SNTG1: variants seen among roughly 807,000 people sequenced by gnomAD.
SNTG1 encodes gamma-1-syntrophin.
In SNTG1, 39 loss-of-function variants were observed where a neutral mutation model predicts 74.7. The observed-to-expected ratio is 0.52, with a 90% CI of 0.40 to 0.68. The LOEUF (loss-of-function observed/expected upper bound fraction) is 0.68. SNTG1 is among the 30% of genes least tolerant of loss of function. The probability of loss-of-function intolerance (pLI) is 0.00; values close to 1 mark genes in which losing one functional copy is unlikely to be tolerated. For synonymous variants in SNTG1, 254 were observed against 217.1 expected (o/e 1.17, Z -1.49); for missense variants, 685 against 609.5 (o/e 1.12, Z -1.30).
intron 1 of SNTG1, among the ~76,000 whole-genome samples, chr8:50,107,597 C>T (rs1240761014): frequency 6.6e-6 from 1 of 151,722 alleles, no homozygotes; most frequent in East Asian, 1.9e-4. Context: ...GTTGGCTGGG[C>T]TGGAGTGGAG....
intron 1 of SNTG1, among the ~76,000 whole-genome samples, chr8:50,030,826 A>T (rs1202869693): frequency 6.6e-6 from 1 of 151,936 alleles, no homozygotes; most frequent in African/African-American, 2.4e-5. Flanking sequence ...TTCTTAAATC[A>T]TTGCCTGTCC....
chr8:50,277,410 AC>A (rs1257665551), intron 2 of SNTG1, among the ~76,000 whole-genome samples: 10 of 152,310 alleles, frequency 6.6e-5, no homozygotes, highest in Admixed American at 2.0e-4. Flanking sequence ...GATTACAGAA[AC>A]TTTTTCAGAC....
At chr8:50,741,146 G>A (rs1359534751) in intron 17 of SNTG1, among the ~76,000 whole-genome samples, 1 of 151,700 alleles carries the variant, frequency 6.6e-6, no homozygotes, top group Non-Finnish European at 1.5e-5. Context: ...TTTTTCTGAG[G>A]CAGAGTCTTG....
At chr8:50,654,196 G>A (rs2095166534) in intron 13 of SNTG1, among the ~76,000 whole-genome samples, 1 of 151,972 alleles carries the variant, frequency 6.6e-6, no homozygotes, top group Admixed American at 6.6e-5. Context: ...AGCTGTGCTT[G>A]GGTTGGGACT....
At chr8:50,197,421 T>A (rs992957654) in intron 2 of SNTG1, among the ~76,000 whole-genome samples, 5 of 152,276 alleles carry the variant, frequency 3.3e-5, no homozygotes, top group African/African-American at 1.2e-4. Flanking sequence ...AGCATTTTTT[T>A]AAAAACTTGT....
chr8:49,917,030 T>C (rs1309474987), intron 1 of SNTG1, among the ~76,000 whole-genome samples: 1 of 78,914 alleles, frequency 1.3e-5, no homozygotes, highest in Non-Finnish European at 3.7e-5. Context: ...AAAATATATA[T>C]ATTAAAAATA....
At chr8:50,649,356 G>T (rs529426184) in intron 13 of SNTG1, among the ~76,000 whole-genome samples, 1 of 152,058 alleles carries the variant, frequency 6.6e-6, no homozygotes, top group African/African-American at 2.4e-5. Flanking sequence ...AAAATTAGCC[G>T]GACGTTATGG....
At chr8:50,096,905 C>T (rs420489) in intron 1 of SNTG1, among the ~76,000 whole-genome samples, 2 of 151,874 alleles carry the variant, frequency 1.3e-5, no homozygotes, top group Non-Finnish European at 2.9e-5. Flanking sequence ...TAGTGTTACT[C>T]AAAAAGTAGC....
rs145645877 is a variant in SNTG1, at chr8:50,333,178, T to C, written c.-27-61034T>C. 5.9e-5 allele frequency among the ~76,000 whole-genome samples: 9 copies of C among 152,348 alleles called. No homozygotes were observed. In the East Asian group the frequency reaches 1.7e-3, roughly 29 times the overall value. The stretch of plus-strand genomic sequence containing the variant: ...CCCTGGCCCCATCACAGAACAGCTG[T>C]GTGACTTCGATACAATAACTTAACC... On this transcript the variant is annotated intron_variant, in intron 2 of 18. Transcript: ENST00000642720.
At position 50,039,474 on chromosome 8, in the gene SNTG1, A is replaced by C. The variant is rs925585238; in HGVS notation, c.-103+127243A>C. 7.3e-5 allele frequency among the ~76,000 whole-genome samples: 11 copies of C among 151,074 alleles called. No homozygotes were observed. The East Asian group carries it at 1.2e-3, about 16-fold the overall frequency. ...CGTCTCAAAAAAAAAAAAAAAAAAA[A>C]AAAAAAAAACTCAAGTTAATTCCTA... is the stretch of plus-strand genomic sequence containing the variant. On this transcript the variant is annotated intron_variant, in intron 1 of 18. Coordinates refer to ENST00000642720, the MANE Select transcript of SNTG1 (RefSeq NM_018967.5).
chr8:50,737,239 C>T lies in SNTG1; in HGVS notation c.1285-14762C>T, dbSNP rs531717520. Among the ~76,000 whole-genome samples the T allele has an allele frequency of 2.0e-5, 3 of 152,130 alleles. No individual in the cohort carries two copies. The East Asian group carries it at 5.8e-4, about 29-fold the overall frequency. Reference sequence around the variant, plus strand: ...CAATAAAGGGCATATTACCACTGATCCCACAGAAATACAAACTACCACCAG... The same window carrying T: ...CAATAAAGGGCATATTACCACTGATTCCACAGAAATACAAACTACCACCAG... On this transcript the variant is annotated intron_variant, in intron 17 of 18. Coordinates refer to ENST00000642720, the MANE Select transcript of SNTG1 (RefSeq NM_018967.5).
intron 17 of SNTG1, among the ~76,000 whole-genome samples, chr8:50,740,241 C>T (rs956479332): frequency 3.3e-5 from 5 of 151,498 alleles, no homozygotes; most frequent in Admixed American, 6.6e-5. Context: ...GGTCTAATAT[C>T]CAGCATCTAC....
intron 2 of SNTG1, among the ~76,000 whole-genome samples, chr8:50,267,795 A>G (rs965666322): frequency 6.6e-6 from 1 of 152,200 alleles, no homozygotes; most frequent in Non-Finnish European, 1.5e-5. Context: ...AGAATTAATG[A>G]GAACTAACTC....
intron 1 of SNTG1, among the ~76,000 whole-genome samples, chr8:49,930,477 A>G (rs1163127776): frequency 1.1e-5 from 1 of 90,908 alleles, no homozygotes; most frequent in Non-Finnish European, 2.8e-5. Context: ...GGACTTTCTT[A>G]ATCTGATGAA....
At chr8:49,920,132 T>C (rs1257753039) in intron 1 of SNTG1, among the ~76,000 whole-genome samples, 1 of 151,772 alleles carries the variant, frequency 6.6e-6, no homozygotes, top group African/African-American at 2.4e-5. Context: ...TTTTCCATAT[T>C]GTGTTCTTTT....
rs565138208 is a variant in SNTG1, at chr8:50,457,665, C to T, written c.363+6936C>T. Among the ~76,000 whole-genome samples, 294 of 152,216 alleles carry T rather than the reference C, an allele frequency of 1.9e-3. 1 individual carries two copies. Among genetic ancestry groups the T allele is most frequent in the South Asian group, 8.3e-3 (40 of 4,820 alleles). On this transcript the variant is annotated intron_variant, in intron 8 of 18. Transcript: ENST00000642720. ...AAGAATAGAGAGCAGATAGACAAGACGGGGGGAATCCTGAAGGGCCAAGGG... is the reference window on the plus strand; with the variant it reads ...AAGAATAGAGAGCAGATAGACAAGATGGGGGGAATCCTGAAGGGCCAAGGG...
intron 8 of SNTG1, among the ~76,000 whole-genome samples, chr8:50,482,461 T>C (rs1218821539): frequency 1.3e-5 from 2 of 152,182 alleles, no homozygotes; most frequent in African/African-American, 4.8e-5. Flanking sequence ...TAACACTGTC[T>C]CATTTGAAAG....
chr8:50,507,140 T>G (rs1273268003), intron 9 of SNTG1, among the ~76,000 whole-genome samples: 6 of 152,096 alleles, frequency 3.9e-5, no homozygotes, highest in African/African-American at 1.4e-4. Flanking sequence ...AGATAGATTT[T>G]TTTTCATGTT....
intron 1 of SNTG1, among the ~76,000 whole-genome samples, chr8:50,102,309 G>A (rs1401150976): frequency 6.6e-6 from 1 of 152,136 alleles, no homozygotes; most frequent in African/African-American, 2.4e-5. Context: ...CTGATGGCCA[G>A]TGATGATGAG....
Sources: allele counts gnomAD v4.1 joint callset (sites outside exome capture counted in the v4.1 genomes callset), GRCh38; gene constraint gnomAD v4.1.1; transcripts MANE v1.5; gene names NCBI Gene and HGNC (gene_info 2026-07-23, HGNC 2026-07-21).